VEZT: variants seen among roughly 807,000 people sequenced by gnomAD.
VEZT encodes the protein vezatin, adherens junctions transmembrane protein.
A neutral mutation model predicts 79.9 loss-of-function variants in VEZT; 39 were observed. The ratio of observed to expected loss-of-function variants is 0.49; its 90% CI spans 0.38 to 0.64. VEZT has a LOEUF of 0.64. VEZT is among the 30% of genes least tolerant of loss of function. The pLI is 0.00. For missense variants in VEZT, 837 were observed against 893.1 expected (o/e 0.94, Z 0.80); for synonymous variants, 325 against 327.6 (o/e 0.99, Z 0.09).
rs138191640 is a variant in VEZT, at chr12:95,255,621, C to T, written c.169-1529C>T. On this transcript the variant is annotated intron_variant, in intron 2 of 11. Coordinates refer to ENST00000436874, the MANE Select transcript of VEZT (RefSeq NM_017599.4). ...TAATTTTTTGTATTTTTAGTAGAGA[C>T]GGGGTTTCACTATGTTGGCCAGGCT... is the stretch of plus-strand genomic sequence containing the variant. 7.2e-5 allele frequency among the ~76,000 whole-genome samples: 11 copies of T among 152,052 alleles called. No individual in the cohort carries two copies. In the East Asian group the frequency reaches 1.6e-3, roughly 21 times the overall value.
intron 1 of VEZT, chr12:95,224,343 T>C (rs896539392): frequency 1.1e-5 from 5 of 442,986 alleles, no homozygotes; most frequent in African/African-American, 1.0e-4. Flanking sequence ...TGACAGGGTC[T>C]TGCACTGTTG....
chr12:95,286,776 C>CT, intron 8 of VEZT: 1 of 461,640 alleles, frequency 2.2e-6, no homozygotes, highest in Non-Finnish European at 4.3e-6. Context: ...GCCTCTTCAA[C>CT]TTTTTTACTT....
intron 9 of VEZT, among the ~76,000 whole-genome samples, chr12:95,289,660 T>C (rs2072181984): frequency 6.6e-6 from 1 of 152,172 alleles, no homozygotes; most frequent in African/African-American, 2.4e-5. Context: ...TCACAAACTT[T>C]TTTCACTAAA....
chr12:95,280,758 C>T (rs2068882755), intron 7 of VEZT, among the ~76,000 whole-genome samples: 1 of 152,074 alleles, frequency 6.6e-6, no homozygotes, highest in South Asian at 2.1e-4. Context: ...TAGAACAGTG[C>T]CTGGCACATC....
chr12:95,225,134 C>T (rs892880397), intron 1 of VEZT, among the ~76,000 whole-genome samples: 1 of 152,190 alleles, frequency 6.6e-6, no homozygotes, highest in African/African-American at 2.4e-5. Flanking sequence ...ATGCAGTAAA[C>T]AGGAACCTGT....
intron 8 of VEZT, among the ~76,000 whole-genome samples, 162 bp from the exon 9 acceptor site, chr12:95,287,502 C>T (rs992542095): frequency 3.3e-5 from 5 of 152,062 alleles, no homozygotes; most frequent in East Asian, 1.9e-4. Flanking sequence ...GGGGTTTCAC[C>T]ATGTTGCCCA....
At chr12:95,256,571 T>G (rs2063519720) in intron 2 of VEZT, 1 of 1,289,242 alleles carries the variant, frequency 7.8e-7, no homozygotes, top group African/African-American at 1.5e-5. Flanking sequence ...TAGTAATCAC[T>G]CAATGAATAT....
Position 95,298,123 on chromosome 12 carries a change from AAATAATAAT to A in VEZT, c.1831+1887_1831+1895del, listed in dbSNP as rs557389826. Among the ~76,000 whole-genome samples the A allele has an allele frequency of 1.3e-4, 19 of 149,780 alleles. No homozygotes were observed. In the East Asian group the frequency reaches 2.9e-3, roughly 23 times the overall value. ...TGACAGAGTGAGACTCTCTCTCAAA[AAATAATAAT>A]AATAATAATAATAATAATAATTCAT... On this transcript the variant is annotated intron_variant, in intron 11 of 11. Coordinates refer to ENST00000436874, the MANE Select transcript of VEZT (RefSeq NM_017599.4).
chr12:95,297,528 T>C (rs1272364446), intron 11 of VEZT, among the ~76,000 whole-genome samples: 1 of 152,174 alleles, frequency 6.6e-6, no homozygotes, highest in Non-Finnish European at 1.5e-5. Flanking sequence ...TCCTTGTACA[T>C]TAAAATACCT....
intron 1 of VEZT, among the ~76,000 whole-genome samples, chr12:95,243,104 G>A (rs925129727): frequency 6.6e-6 from 1 of 152,036 alleles, no homozygotes; most frequent in Admixed American, 6.6e-5. Context: ...CAGGCCTGGT[G>A]GCTTATGCCT....
chr12:95,264,054 A>G (rs970214800), intron 4 of VEZT, among the ~76,000 whole-genome samples: 2 of 152,238 alleles, frequency 1.3e-5, no homozygotes, highest in East Asian at 1.9e-4. Context: ...TGAATCAAGA[A>G]GTACACTAAA....
At chr12:95,256,112 C>T (rs112254009) in intron 2 of VEZT, among the ~76,000 whole-genome samples, 17,160 of 151,868 alleles carry the variant, frequency 0.11, 1,262 homozygotes, top group East Asian at 0.16. Context: ...AGTGCAATGG[C>T]GCGATCTCGG....
chr12:95,293,049 A>C (rs1231646484), intron 9 of VEZT, among the ~76,000 whole-genome samples: 1 of 151,554 alleles, frequency 6.6e-6, no homozygotes, highest in African/African-American at 2.4e-5. Flanking sequence ...TGGGGGTTTC[A>C]CCATGTTGGT....
chr12:95,252,009 C>T lies in VEZT; in HGVS notation c.106C>T (p.Pro36Ser). Residue 36 changes from proline (P) to serine (S), a missense_variant, in exon 2 of 12, where the codon CCA becomes TCA. Coordinates refer to ENST00000436874, the MANE Select transcript of VEZT (RefSeq NM_017599.4). ...CTTTGAAATATGTTCTTCTTTGTCA[C>T]CAAAAACAGAAAAATGCACAACAGA... is the stretch of plus-strand genomic sequence containing the variant. ...TDFEICSSLS[P>S]KTEKCTTEGQ... 1 of 1,612,168 alleles carries T rather than the reference C, an allele frequency of 6.2e-7. No individual in the cohort carries two copies. Among genetic ancestry groups the T allele is most frequent in the East Asian group, 2.2e-5 (1 of 44,730 alleles).
At chr12:95,259,969 T>C (rs1400560064) in intron 3 of VEZT, among the ~76,000 whole-genome samples, 1 of 152,182 alleles carries the variant, frequency 6.6e-6, no homozygotes, top group Non-Finnish European at 1.5e-5. Flanking sequence ...AATCAGTATA[T>C]AGTTCAAGTT....
At position 95,233,225 on chromosome 12, in the gene VEZT, T is replaced by C. The variant is rs1012450300; in HGVS notation, c.36+15339T>C. On this transcript the variant is annotated intron_variant, in intron 1 of 11. Coordinates refer to ENST00000436874, the MANE Select transcript of VEZT (RefSeq NM_017599.4). ...TTTTTTTCTTAGCAGACCTTAACTATGTTTTTCCACACAGATAACACATGA... is the reference window on the plus strand; with the variant it reads ...TTTTTTTCTTAGCAGACCTTAACTACGTTTTTCCACACAGATAACACATGA... 3.9e-5 allele frequency among the ~76,000 whole-genome samples: 6 copies of C among 152,152 alleles called. No homozygotes were observed. In the South Asian group the frequency reaches 1.2e-3, roughly 32 times the overall value.
chr12:95,244,075 A>G, intron 1 of VEZT: 1 of 417,984 alleles, frequency 2.4e-6, no homozygotes, highest in South Asian at 1.7e-5. Flanking sequence ...AAAACAGACT[A>G]AAAACTCTTT....
At chr12:95,223,363 A>G (rs1181039634) in intron 1 of VEZT, among the ~76,000 whole-genome samples, 1 of 152,162 alleles carries the variant, frequency 6.6e-6, no homozygotes, top group Non-Finnish European at 1.5e-5. Flanking sequence ...AGTTTCATTT[A>G]TAGCACAAAT....
At chr12:95,277,919 G>C (rs1290650062) in intron 7 of VEZT, among the ~76,000 whole-genome samples, 10 of 152,136 alleles carry the variant, frequency 6.6e-5, no homozygotes, top group Non-Finnish European at 1.5e-5. Context: ...AAGATGCCTT[G>C]GAGATTTATT....
Sources: allele counts gnomAD v4.1 joint callset (sites outside exome capture counted in the v4.1 genomes callset), GRCh38; gene constraint gnomAD v4.1.1; transcripts MANE v1.5; gene names NCBI Gene and HGNC (gene_info 2026-07-23, HGNC 2026-07-21).